Variants in SPATA24 observed in about 807,000 individuals in gnomAD.
SPATA24 encodes the protein spermatogenesis-associated protein 24.
A neutral mutation model predicts 28.9 loss-of-function variants in SPATA24; 21 were observed. That is an observed-to-expected ratio of 0.73 (90% CI 0.52 to 1.05). The LOEUF (loss-of-function observed/expected upper bound fraction) is 1.05, where lower values mean the gene tolerates loss of function less well. Among genes scored for constraint, SPATA24 ranks in the 50% least tolerant of loss-of-function variants. The pLI is 0.00. For missense variants in SPATA24, 215 were observed against 242.9 expected, an observed-to-expected ratio of 0.88 and a Z score of 0.76; for synonymous variants, 76 against 89.9, an observed-to-expected ratio of 0.85 and a Z score of 0.88.
chr5:139,392,626 T>G (rs1361099824), downstream of SPATA24: 45 of 1,380,128 alleles, frequency 3.3e-5, no homozygotes, highest in Non-Finnish European at 4.2e-5. This position sits in a 1 kb window ranked among gnomAD's most constrained non-coding sequence, Gnocchi z 5.8. Flanking sequence ...AGGTGGTGTC[T>G]TCGGTTTGGG....
At chr5:139,396,646 C>T, downstream of SPATA24, 2 of 1,499,448 alleles carry the variant, frequency 1.3e-6, no homozygotes, top group Non-Finnish European at 1.8e-6. Context: ...AACAAAGACC[C>T]AGCTCCTCCC....
chr5:139,393,228 G>A, downstream of SPATA24: 1 of 1,549,154 alleles, frequency 6.5e-7, no homozygotes, highest in Non-Finnish European at 8.7e-7. Context: ...GAATGGCCAT[G>A]CGCGGGCGTC....
chr5:139,403,836 T>A (rs1157729030), intron 1 of SPATA24, 108 bp downstream of exon 1: 15 of 939,168 alleles, frequency 1.6e-5, no homozygotes, highest in Non-Finnish European at 2.5e-5. Flanking sequence ...GATGACGCCA[T>A]GGGCCATGCG....
At chr5:139,396,367 C>T (rs558488012), downstream of SPATA24, 15 of 985,456 alleles carry the variant, frequency 1.5e-5, no homozygotes, top group African/African-American at 2.6e-4. Context: ...CATTGTGAAG[C>T]TCCCGTTTGG....
chr5:139,394,992 C>G (rs1373787080), downstream of SPATA24: 8 of 1,500,696 alleles, frequency 5.3e-6, no homozygotes, highest in Non-Finnish European at 7.1e-6. Context: ...AGGAGCCTGA[C>G]GAACCGGAGG....
intron 4 of SPATA24, among the ~76,000 whole-genome samples, chr5:139,399,952 T>C (rs1008590003): frequency 5.8e-4 from 89 of 152,252 alleles, no homozygotes; most frequent in African/African-American, 2.0e-3. Context: ...GGTTCTTTTT[T>C]GGGAAGTAAG....
chr5:139,401,144 C>T (rs150291208), intron 4 of SPATA24, among the ~76,000 whole-genome samples: 29 of 152,124 alleles, frequency 1.9e-4, no homozygotes, highest in Non-Finnish European at 3.8e-4. Flanking sequence ...CAGAGCAAGA[C>T]TCCATCTCAA....
At chr5:139,394,125 G>A (rs868381129), downstream of SPATA24, 1 of 1,547,660 alleles carries the variant, frequency 6.5e-7, no homozygotes, top group African/African-American at 1.4e-5. Context: ...TCGCGCGCTC[G>A]CGGAGGCTGG....
chr5:139,394,787 G>T (rs1758665626), downstream of SPATA24: 1 of 1,529,948 alleles, frequency 6.5e-7, no homozygotes, highest in Non-Finnish European at 8.8e-7. Flanking sequence ...TGGGGCTGGG[G>T]TGGCCGTGGG....
At chr5:139,394,388 G>A (rs1435971690), downstream of SPATA24, 2 of 1,396,834 alleles carry the variant, frequency 1.4e-6, no homozygotes, top group South Asian at 1.6e-5. Flanking sequence ...CCGGTGCGCA[G>A]GAGCAGCCGG....
Position 139,402,647 on chromosome 5 carries a change from G to A in SPATA24, c.164C>T (p.Ala55Val). 7.1e-6 allele frequency: 11 copies of A among 1,551,796 alleles called. No homozygotes were observed. Among genetic ancestry groups the A allele is most frequent in the Non-Finnish European group, 9.6e-6 (11 of 1,146,986 alleles). The change falls in exon 2 of 6, where the codon GCA (alanine) becomes GTA (valine). Residue 55 changes from alanine (A) to valine (V), a missense_variant. By Grantham distance (64) the Ala-to-Val change is moderately conservative (BLOSUM62 0). Transcript: ENST00000450845. ...ENFVSKEEFQ[A>V]VEKKLVEEKA... is the part of the protein sequence containing the mutation. Reference sequence around the variant, plus strand: ...ACTTACCACCAGCTTCTTCTCCACTGCCTGGAACTCTTCTTTACTGACAAA... The same window carrying A: ...ACTTACCACCAGCTTCTTCTCCACTACCTGGAACTCTTCTTTACTGACAAA...
At chr5:139,402,504 A>C (rs1196175795) in intron 2 of SPATA24, 124 bp downstream of exon 2, 1 of 868,974 alleles carries the variant, frequency 1.2e-6, no homozygotes, top group African/African-American at 1.7e-5. Flanking sequence ...TGGCCTCCCA[A>C]AGAGCTGGGA....
intron 4 of SPATA24, among the ~76,000 whole-genome samples, chr5:139,400,050 G>A (rs905203789): frequency 5.3e-5 from 8 of 152,174 alleles, no homozygotes; most frequent in East Asian, 1.9e-4. Context: ...GCCATGGCAG[G>A]AGCCAGTGAC....
downstream of SPATA24, chr5:139,396,618 C>A (rs1285905192): frequency 6.9e-7 from 1 of 1,448,176 alleles, no homozygotes; most frequent in Admixed American, 2.5e-5. Flanking sequence ...CCAAAGGAAG[C>A]GGTGGTGCCT....
Position 139,397,065 on chromosome 5 carries a change from AT to A in SPATA24, c.463del (p.Ile155SerfsTer?). The A allele has an allele frequency of 1.3e-6, 2 of 1,551,802 alleles. No individual in the cohort carries two copies. Among genetic ancestry groups the A allele is most frequent in the Non-Finnish European group, 1.7e-6 (2 of 1,147,014 alleles). On this transcript the variant is annotated frameshift_variant, in exon 5 of 6. Coordinates refer to ENST00000450845, the MANE Select transcript of SPATA24 (RefSeq NM_194296.2). LOFTEE classifies it high-confidence loss of function. ...CCTGAAGATCTGTTTCTGCTGGCTGATAACTTGCTGCAACTCTTTAATCTCA... is the reference window on the plus strand; with the variant it reads ...CCTGAAGATCTGTTTCTGCTGGCTGAAACTTGCTGCAACTCTTTAATCTCA... ...ENEIKELQQV[I>X]SQQKQIFRNH...
At chr5:139,399,194 A>G (rs1307711930) in intron 4 of SPATA24, among the ~76,000 whole-genome samples, 2 of 151,306 alleles carry the variant, frequency 1.3e-5, no homozygotes, top group East Asian at 3.9e-4. Context: ...GCGGGCACCT[A>G]TAGTCCCAGC....
chr5:139,394,378 C>T (rs1468024135), downstream of SPATA24: 1 of 1,407,916 alleles, frequency 7.1e-7, no homozygotes, highest in East Asian at 2.8e-5. Context: ...GTCCAGGGAA[C>T]CGGTGCGCAG....
At chr5:139,392,554 G>T, downstream of SPATA24, 1 of 1,345,768 alleles carries the variant, frequency 7.4e-7, no homozygotes, top group Non-Finnish European at 9.5e-7. This position sits in a 1 kb window ranked among gnomAD's most constrained non-coding sequence, Gnocchi z 5.8. Context: ...CGTCCTGCCC[G>T]CCAACGCCAG....
intron 4 of SPATA24, 35 bp from the exon 5 acceptor site, chr5:139,397,178 C>G: frequency 6.6e-7 from 1 of 1,504,094 alleles, no homozygotes; most frequent in Non-Finnish European, 9.1e-7. Context: ...AGGGGTGGTT[C>G]CCATCCCAGG....
Sources: gnomAD v4.1 joint callset for allele counts (sites outside exome capture counted in the v4.1 genomes callset) on GRCh38, gnomAD v4.1.1 for gene constraint, Gnocchi (gnomAD v3.1) non-coding constraint, MANE v1.5 for transcripts, NCBI Gene and HGNC (gene_info 2026-07-23, HGNC 2026-07-21) for gene names.